The following QSOX2 variants were observed in gnomAD, a reference collection of about 807,000 sequenced individuals.
QSOX2 encodes the protein sulfhydryl oxidase 2.
In QSOX2, 46 loss-of-function variants were observed where a neutral mutation model predicts 61.7. The observed-to-expected ratio is 0.75, with a 90% CI of 0.59 to 0.95. The LOEUF is 0.95. Among genes scored for constraint, QSOX2 ranks in the 40% least tolerant of loss-of-function variants. The pLI is 0.00. For synonymous variants in QSOX2, 383 were observed against 388.4 expected (o/e 0.99, Z 0.16); for missense variants, 879 against 918.9 (o/e 0.96, Z 0.56).
At position 136,208,841 on chromosome 9, in the gene QSOX2, T is replaced by C. The variant is rs1273434168; in HGVS notation, c.1984A>G (p.Ser662Gly). ...LGVDFSSLDM[S>G]LCVVLYVASS... is the part of the protein sequence containing the mutation. Reference sequence around the variant, plus strand: ...GCCACGTACAGCACGACACAGAGACTCATGTCCAGGCTGGAGAAGTCAACC... The same window carrying C: ...GCCACGTACAGCACGACACAGAGACCCATGTCCAGGCTGGAGAAGTCAACC... The change falls in exon 12 of 12, where the codon AGT (serine) becomes GGT (glycine). Residue 662 changes from serine to glycine, a missense_variant. Transcript: ENST00000358701. 2 of 1,613,838 alleles carry C rather than the reference T, an allele frequency of 1.2e-6. No individual in the cohort carries two copies. The highest frequency in any genetic ancestry group is 2.2e-5 in the East Asian group (1 of 44,870).
chr9:136,209,366 ACCACGGGCCTCCACTG>A lies in QSOX2; in HGVS notation c.1550-107_1550-92del. On this transcript the variant is annotated intron_variant, in intron 11 of 11. Transcript: ENST00000358701. This position sits in a 1 kb window ranked among gnomAD's most constrained non-coding sequence, Gnocchi z 5.6. The stretch of plus-strand genomic sequence containing the variant: ...GGCAACCGGACTCCCACTCCCACCC[ACCACGGGCCTCCACTG>A]CCCTGGCCCAGGGTCCTGCCAGGCC... The A allele has an allele frequency of 6.5e-7, 1 of 1,541,560 alleles. No individual in the cohort carries two copies. The highest frequency in any genetic ancestry group is 8.7e-7 in the Non-Finnish European group (1 of 1,143,724).
At position 136,224,118 on chromosome 9, in the gene QSOX2, G is replaced by A. The variant is rs770459815; in HGVS notation, c.479-6C>T. 2.7e-5 allele frequency: 44 copies of A among 1,610,804 alleles called. No homozygotes were observed. In the South Asian group the frequency reaches 2.9e-4, roughly 10 times the overall value. On this transcript the variant is annotated splice_region_variant and splice_polypyrimidine_tract_variant and intron_variant, in intron 3 of 11. Coordinates refer to ENST00000358701, the MANE Select transcript of QSOX2 (RefSeq NM_181701.4). Reference sequence around the variant, plus strand: ...TCGCAGCTCTCGGTCAGGTCCTGCCGGAAGCACACCAGGGTCAGAGCTGTG... The same window carrying A: ...TCGCAGCTCTCGGTCAGGTCCTGCCAGAAGCACACCAGGGTCAGAGCTGTG...
chr9:136,225,140 A>G (rs1188896886), intron 2 of QSOX2, among the ~76,000 whole-genome samples: 1 of 152,180 alleles, frequency 6.6e-6, no homozygotes, highest in East Asian at 1.9e-4. Flanking sequence ...CCCATCATTT[A>G]CATTTTCTGA....
chr9:136,210,584 C>T (rs1036376403), intron 11 of QSOX2: 4 of 985,322 alleles, frequency 4.1e-6, no homozygotes, highest in African/African-American at 1.7e-5. Flanking sequence ...ACAGCGCCTT[C>T]GTCACATGAC....
intron 1 of QSOX2, among the ~76,000 whole-genome samples, chr9:136,244,605 G>T (rs1830456046): frequency 6.6e-6 from 1 of 152,190 alleles, no homozygotes; most frequent in South Asian, 2.1e-4. Context: ...GGGTCGGGAG[G>T]ACCTCCTACT....
intron 1 of QSOX2, among the ~76,000 whole-genome samples, chr9:136,242,308 G>C (rs926679044): frequency 9.9e-5 from 15 of 152,272 alleles, no homozygotes; most frequent in African/African-American, 2.9e-4. Flanking sequence ...TCCAGCTGGA[G>C]GCTCCTGGGA....
chr9:136,226,679 T>G, intron 2 of QSOX2, 95 bp downstream of exon 2: 2 of 975,742 alleles, frequency 2.0e-6, no homozygotes, highest in South Asian at 2.6e-5. Flanking sequence ...CACTATGATG[T>G]GGCGAATTTC....
In QSOX2 at chr9:136,215,228, G is replaced by A. The variant is rs747659197; in HGVS notation, c.1286C>T (p.Pro429Leu). Residue 429 changes from proline (P) to leucine (L), a missense_variant, in exon 10 of 12, where the codon CCG (proline) becomes CTG (leucine). Physicochemically the swap from Pro to Leu is moderately conservative, Grantham distance 98. Coordinates refer to ENST00000358701, the MANE Select transcript of QSOX2 (RefSeq NM_181701.4). ...QGSRSELRGY[P>L]CSLWKLFHTL... ...GTGGAACAGTTTCCAGAGAGAACACGGGTAACCCCTCAACTCAGATCGGCT... is the reference window on the plus strand; with the variant it reads ...GTGGAACAGTTTCCAGAGAGAACACAGGTAACCCCTCAACTCAGATCGGCT... The A allele has an allele frequency of 4.1e-5, 66 of 1,613,952 alleles. No individual in the cohort carries two copies. Among genetic ancestry groups the A allele is most frequent in the Non-Finnish European group, 5.4e-5 (64 of 1,180,022 alleles).
chr9:136,209,595 C>CA lies in QSOX2; in HGVS notation c.1550-321dup. ...CCCAAACCACCCAGCACTCCACTTC[C>CA]AAAACGGAGCATGCAGCTCTCACCT... On this transcript the variant is annotated intron_variant, in intron 11 of 11. Transcript: ENST00000358701. The surrounding 1 kb of genome is among the most constrained non-coding windows in gnomAD (Gnocchi z 5.6). 1.0e-6 allele frequency: 1 copy of CA among 985,270 alleles called. No homozygotes were observed. The highest frequency in any genetic ancestry group is 1.1e-4 in the East Asian group (1 of 8,760). The allele number at this position is 985,270 out of a possible 1,614,324, so 61.0% of individuals were successfully genotyped here. A position where few individuals can be genotyped will look rare whatever the true frequency, so the allele number is the denominator to read the frequency against.
intron 1 of QSOX2, among the ~76,000 whole-genome samples, chr9:136,244,155 A>C (rs925679625): frequency 4.6e-5 from 7 of 152,190 alleles, no homozygotes; most frequent in African/African-American, 1.7e-4. Flanking sequence ...GCCACTGAAT[A>C]ACACACAAGA....
At chr9:136,231,692 G>A (rs1481891193) in intron 1 of QSOX2, among the ~76,000 whole-genome samples, 1 of 152,186 alleles carries the variant, frequency 6.6e-6, no homozygotes, top group African/African-American at 2.4e-5. Flanking sequence ...CCGCTACCAT[G>A]GCCTCCGTGC....
rs1830251483 is a variant in QSOX2 at position 136,223,879 on chromosome 9, T to G, written c.585-26A>C. The G allele has an allele frequency of 6.2e-7, 1 of 1,610,030 alleles. No homozygotes were observed. Among genetic ancestry groups the G allele is most frequent in the Non-Finnish European group, 8.5e-7 (1 of 1,176,734 alleles). ...CTTTCAAGAGGAAAAAAAGAGGCTT[T>G]TAGTGCCGTCAACAGCAGCGAGTTG... On this transcript the variant is annotated intron_variant, in intron 4 of 11. Coordinates refer to ENST00000358701, the MANE Select transcript of QSOX2 (RefSeq NM_181701.4). This position sits in a 1 kb window ranked among gnomAD's most constrained non-coding sequence, Gnocchi z 4.4.
chr9:136,218,128 C>T (rs1344860528), intron 8 of QSOX2, among the ~76,000 whole-genome samples: 2 of 152,216 alleles, frequency 1.3e-5, no homozygotes, highest in Admixed American at 1.3e-4. Context: ...ACCCTGGGCA[C>T]GGCCAGGCCT....
chr9:136,218,660 G>A lies in QSOX2; in HGVS notation c.1086+19C>T. On this transcript the variant is annotated intron_variant, in intron 8 of 11. Coordinates refer to ENST00000358701, the MANE Select transcript of QSOX2 (RefSeq NM_181701.4). ...GAGCCAAATTCCCACATGCAGCCCA[G>A]ACCAGCACCGTCCCAAACCTTGGCC... 6.2e-7 allele frequency: 1 copy of A among 1,611,464 alleles called. No individual in the cohort carries two copies. The highest frequency in any genetic ancestry group is 1.3e-5 in the African/African-American group (1 of 75,044).
chr9:136,209,927 C>T lies in QSOX2; in HGVS notation c.1550-652G>A, dbSNP rs1831825380. 5.1e-6 allele frequency: 5 copies of T among 985,402 alleles called. No homozygotes were observed. The highest frequency in any genetic ancestry group is 1.1e-4 in the East Asian group (1 of 8,768). The allele number at this position is 985,402 out of a possible 1,614,324, so 61.0% of individuals were successfully genotyped here. On this transcript the variant is annotated intron_variant, in intron 11 of 11. Transcript: ENST00000358701. This position sits in a 1 kb window ranked among gnomAD's most constrained non-coding sequence, Gnocchi z 5.6. Reference sequence around the variant, plus strand: ...CATCCGTCATGCAGAAGCTGCGGCGCACGGCGCCTCCTAGCTCTCGGAGCC... The same window carrying T: ...CATCCGTCATGCAGAAGCTGCGGCGTACGGCGCCTCCTAGCTCTCGGAGCC...
At chr9:136,229,781 G>T (rs1041119780) in intron 1 of QSOX2, among the ~76,000 whole-genome samples, 1 of 152,206 alleles carries the variant, frequency 6.6e-6, no homozygotes, top group Non-Finnish European at 1.5e-5. Context: ...GCACATCCCT[G>T]CTGCCCCAGG....
rs921612128 is a variant in QSOX2 at position 136,223,446 on chromosome 9, G to A, written c.675+317C>T. Among the ~76,000 whole-genome samples the A allele has an allele frequency of 6.6e-6, 1 of 152,126 alleles. No homozygotes were observed. The highest frequency in any genetic ancestry group is 1.5e-5 in the Non-Finnish European group (1 of 68,022). On this transcript the variant is annotated intron_variant, in intron 5 of 11. Transcript: ENST00000358701. The surrounding 1 kb of genome is among the most constrained non-coding windows in gnomAD (Gnocchi z 4.4). ...TTAGTAATAATGCATACAAAATACA[G>A]AATGACCTCAAGGTGAGCTGGGCGT... is the stretch of plus-strand genomic sequence containing the variant.
chr9:136,239,640 C>T (rs1588642080), intron 1 of QSOX2, among the ~76,000 whole-genome samples: 1 of 152,382 alleles, frequency 6.6e-6, no homozygotes, highest in Admixed American at 6.5e-5. Context: ...TCCACCAGTC[C>T]GCAGGGGCAG....
intron 3 of QSOX2, among the ~76,000 whole-genome samples, chr9:136,224,407 G>A (rs563605693): frequency 1.3e-5 from 2 of 152,018 alleles, no homozygotes; most frequent in Non-Finnish European, 2.9e-5. Context: ...CAGGCCAGGC[G>A]GCTCCACTGG....
Sources: gnomAD v4.1 joint callset for allele counts (sites outside exome capture counted in the v4.1 genomes callset) on GRCh38, gnomAD v4.1.1 for gene constraint, Gnocchi (gnomAD v3.1) non-coding constraint, MANE v1.5 for transcripts, NCBI Gene and HGNC (gene_info 2026-07-23, HGNC 2026-07-21) for gene names.